STXBP6: variants seen among roughly 807,000 people sequenced by gnomAD.
The protein encoded by STXBP6 is syntaxin binding protein 6, also known as syntaxin-binding protein 6.
In STXBP6, 21 loss-of-function variants were observed where a neutral mutation model predicts 26.9. The observed-to-expected ratio is 0.78, with a 90% CI of 0.55 to 1.12. The LOEUF (loss-of-function observed/expected upper bound fraction) is 1.12. Among genes scored for constraint, STXBP6 ranks in the 50% most tolerant of loss-of-function variants. STXBP6 has a pLI of 0.00. For synonymous variants in STXBP6, 97 were observed against 92.6 expected, an observed-to-expected ratio of 1.05 and a Z score of -0.27; for missense variants, 232 against 257.9, an observed-to-expected ratio of 0.90 and a Z score of 0.69.
At chr14:24,894,493 G>A (rs1255834074) in intron 2 of STXBP6, among the ~76,000 whole-genome samples, 2 of 152,078 alleles carry the variant, frequency 1.3e-5, no homozygotes, top group Non-Finnish European at 2.9e-5. Flanking sequence ...TAGTTAACTG[G>A]GGGAGAACCA....
intron 1 of STXBP6, among the ~76,000 whole-genome samples, chr14:24,984,641 T>A (rs2074287671): frequency 6.6e-6 from 1 of 152,342 alleles, no homozygotes; most frequent in African/African-American, 2.4e-5. Flanking sequence ...ACAATCTGAA[T>A]GGTGATCGAA....
chr14:24,822,189 C>T (rs144975315), intron 4 of STXBP6, among the ~76,000 whole-genome samples: 3 of 152,090 alleles, frequency 2.0e-5, no homozygotes. Context: ...TCCTTTGGGT[C>T]CCCTACTTAG....
intron 2 of STXBP6, among the ~76,000 whole-genome samples, chr14:24,901,819 T>C (rs2071224024): frequency 6.8e-6 from 1 of 146,936 alleles, no homozygotes; most frequent in Non-Finnish European, 1.5e-5. Context: ...ATAACTATGG[T>C]GATAAGAATC....
At chr14:24,976,813 T>C (rs1166544246) in intron 1 of STXBP6, among the ~76,000 whole-genome samples, 4 of 146,660 alleles carry the variant, frequency 2.7e-5, no homozygotes, top group Non-Finnish European at 4.5e-5. Context: ...TGATAAGCAA[T>C]GTAGAAAGCA....
intron 1 of STXBP6, among the ~76,000 whole-genome samples, chr14:25,024,627 C>G (rs2075316790): frequency 2.0e-5 from 3 of 152,142 alleles, no homozygotes; most frequent in South Asian, 4.1e-4. Flanking sequence ...TTTAAATTGA[C>G]ATGGATTCTA....
chr14:24,856,798 T>C (rs2069349242), intron 3 of STXBP6, among the ~76,000 whole-genome samples: 1 of 151,928 alleles, frequency 6.6e-6, no homozygotes, highest in African/African-American at 2.4e-5. Flanking sequence ...TTACCGGAGG[T>C]CACATTTTTT....
intron 2 of STXBP6, among the ~76,000 whole-genome samples, chr14:24,915,628 A>C (rs1055767406): frequency 5.9e-5 from 9 of 152,142 alleles, no homozygotes; most frequent in Non-Finnish European, 1.2e-4. Flanking sequence ...GCATGTGTAT[A>C]GCAATAGTCT....
intron 2 of STXBP6, among the ~76,000 whole-genome samples, chr14:24,868,924 A>C (rs773321957): frequency 6.6e-6 from 1 of 152,230 alleles, no homozygotes; most frequent in Non-Finnish European, 1.5e-5. Context: ...ATTGGAGGCC[A>C]CTGCTTATTG....
At chr14:24,925,918 C>T (rs1265272630) in intron 2 of STXBP6, among the ~76,000 whole-genome samples, 1 of 152,066 alleles carries the variant, frequency 6.6e-6, no homozygotes, top group Non-Finnish European at 1.5e-5. Context: ...TTGCCCCTGC[C>T]AGAAGTTCAG....
intron 4 of STXBP6, among the ~76,000 whole-genome samples, chr14:24,850,414 C>T (rs992894619): frequency 3.9e-5 from 6 of 151,972 alleles, no homozygotes; most frequent in South Asian, 2.1e-4. Context: ...TGCATAGAAG[C>T]GTAATGCTTA....
At chr14:24,933,288 G>C (rs1011436096) in intron 2 of STXBP6, among the ~76,000 whole-genome samples, 11 of 152,180 alleles carry the variant, frequency 7.2e-5, no homozygotes, top group African/African-American at 2.7e-4. Context: ...AATGCAGTGA[G>C]CCAAGATCAT....
chr14:24,992,644 A>C (rs2074502768), intron 1 of STXBP6, among the ~76,000 whole-genome samples: 1 of 152,178 alleles, frequency 6.6e-6, no homozygotes, highest in Non-Finnish European at 1.5e-5. Flanking sequence ...TGTTTATAAA[A>C]ACAAGTGGCC....
chr14:24,906,370 G>A (rs1376548995), intron 2 of STXBP6, among the ~76,000 whole-genome samples: 4 of 152,028 alleles, frequency 2.6e-5, no homozygotes, highest in Non-Finnish European at 4.4e-5. Flanking sequence ...TTTTATACGA[G>A]GCCATTTTAA....
chr14:25,018,884 A>C (rs17109491), intron 1 of STXBP6, among the ~76,000 whole-genome samples: 1 of 152,118 alleles, frequency 6.6e-6, no homozygotes. Flanking sequence ...CATGGGCCAG[A>C]CATTATTCTT....
intron 2 of STXBP6, among the ~76,000 whole-genome samples, chr14:24,881,512 G>C (rs886608027): frequency 5.9e-5 from 8 of 136,662 alleles, no homozygotes; most frequent in African/African-American, 1.7e-4. Flanking sequence ...AAACAGCAGA[G>C]ATGACATTCA....
At chr14:24,920,072 C>T (rs1378762557) in intron 2 of STXBP6, among the ~76,000 whole-genome samples, 1 of 151,932 alleles carries the variant, frequency 6.6e-6, no homozygotes, top group Non-Finnish European at 1.5e-5. Context: ...TTTAGCTTTC[C>T]ATCTTCTCAA....
Position 25,042,716 on chromosome 14 carries a change from C to T in STXBP6, c.-33+7162G>A, listed in dbSNP as rs977438395. ...ACAGCAGCATCTGCATCAGGGAGAG[C>T]TTGTTAGAAGTGCAGAATCTCAGGC... On this transcript the variant is annotated intron_variant, in intron 1 of 5. Coordinates refer to ENST00000323944, the MANE Select transcript of STXBP6 (RefSeq NM_001394410.1). Among the ~76,000 whole-genome samples, 9 of 152,312 alleles carry T rather than the reference C, an allele frequency of 5.9e-5. No individual in the cohort carries two copies. In the East Asian group the frequency reaches 1.7e-3, roughly 29 times the overall value.
intron 2 of STXBP6, among the ~76,000 whole-genome samples, chr14:24,857,771 G>T (rs1481394628): frequency 6.6e-6 from 1 of 151,832 alleles, no homozygotes; most frequent in African/African-American, 2.4e-5. Flanking sequence ...CTCCACACCT[G>T]TAGGAAAAGG....
Position 25,049,321 on chromosome 14 carries a change from C to G in STXBP6, c.-33+557G>C. ...AAGCCTGAGATCGGAAAGGGGGCAT[C>G]GCCCAGGGCCAGCGCCCTGGGGGCA... On this transcript the variant is annotated intron_variant, in intron 1 of 5. Transcript: ENST00000323944. The surrounding 1 kb of genome is among the most constrained non-coding windows in gnomAD (Gnocchi z 5.6). 1.0e-6 allele frequency: 1 copy of G among 985,414 alleles called. No individual in the cohort carries two copies. Among genetic ancestry groups the G allele is most frequent in the Non-Finnish European group, 1.2e-6 (1 of 829,934 alleles). The allele number at this position is 985,414 out of a possible 1,614,324, so 61.0% of individuals were successfully genotyped here.
Sources: allele counts gnomAD v4.1 joint callset (sites outside exome capture counted in the v4.1 genomes callset), GRCh38; gene constraint gnomAD v4.1.1; non-coding constraint Gnocchi (gnomAD v3.1); transcripts MANE v1.5; gene names NCBI Gene and HGNC (gene_info 2026-07-23, HGNC 2026-07-21).